The following BRINP3 variants were observed in gnomAD, a reference collection of about 807,000 sequenced individuals.
The protein encoded by BRINP3 is BMP/retinoic acid-inducible neural-specific protein 3.
BRINP3 carries 19 observed loss-of-function variants against 71.0 expected under a neutral mutation model. The ratio of observed to expected loss-of-function variants is 0.27; its 90% confidence interval spans 0.19 to 0.39. BRINP3 has a LOEUF of 0.39. Among genes scored for constraint, BRINP3 ranks in the 10% least tolerant of loss-of-function variants. BRINP3 has a pLI of 1.00. For missense variants in BRINP3, 959 were observed against 940.8 expected, an observed-to-expected ratio of 1.02 and a Z score of -0.25; for synonymous variants, 380 against 337.7, an observed-to-expected ratio of 1.13 and a Z score of -1.37.
chr1:190,176,651 C>T (rs1474196741), intron 6 of BRINP3, among the ~76,000 whole-genome samples: 2 of 152,082 alleles, frequency 1.3e-5, no homozygotes, highest in Non-Finnish European at 2.9e-5. Flanking sequence ...AGATATAGTT[C>T]CTGGATCTGC....
intron 2 of BRINP3, among the ~76,000 whole-genome samples, chr1:190,329,756 G>C (rs545440489): frequency 6.6e-6 from 1 of 151,718 alleles, no homozygotes; most frequent in Non-Finnish European, 1.5e-5. Flanking sequence ...ACTATACTAC[G>C]AGGCCACAGT....
chr1:190,308,592 T>A (rs1665294904), intron 2 of BRINP3, among the ~76,000 whole-genome samples: 1 of 151,792 alleles, frequency 6.6e-6, no homozygotes, highest in African/African-American at 2.4e-5. Context: ...TGTATACATA[T>A]GTAACAAACC....
chr1:190,152,616 T>G (rs1379911120), intron 7 of BRINP3, among the ~76,000 whole-genome samples: 1 of 142,502 alleles, frequency 7.0e-6, no homozygotes, highest in African/African-American at 2.6e-5. Context: ...GTGCCTCTAT[T>G]GGGTTGAGTC....
intron 2 of BRINP3, among the ~76,000 whole-genome samples, chr1:190,442,285 G>T (rs956170491): frequency 5.9e-5 from 9 of 152,090 alleles, no homozygotes; most frequent in African/African-American, 1.9e-4. Flanking sequence ...TCTGTTTTGG[G>T]AAATAGTTGT....
chr1:190,268,058 A>G (rs1467416292), intron 3 of BRINP3, among the ~76,000 whole-genome samples: 1 of 152,160 alleles, frequency 6.6e-6, no homozygotes, highest in Non-Finnish European at 1.5e-5. Flanking sequence ...TCCAACAGTA[A>G]CTATTAAAAA....
chr1:190,401,376 C>CAAAAAAAAAA (rs762938571), intron 2 of BRINP3, among the ~76,000 whole-genome samples: 4 of 89,360 alleles, frequency 4.5e-5, no homozygotes, highest in Admixed American at 3.0e-4. Context: ...CATCTCAAAA[C>CAAAAAAAAAA]AAAAAAAAAA....
chr1:190,200,688 C>T (rs1322617563), intron 6 of BRINP3, among the ~76,000 whole-genome samples: 3 of 151,938 alleles, frequency 2.0e-5, no homozygotes, highest in East Asian at 1.9e-4. Flanking sequence ...GTGGGAGGGG[C>T]CCGGTAGGAG....
At chr1:190,384,037 T>C (rs1398196705) in intron 2 of BRINP3, among the ~76,000 whole-genome samples, 4 of 151,860 alleles carry the variant, frequency 2.6e-5, no homozygotes, top group Non-Finnish European at 5.9e-5. Flanking sequence ...CACACATTAA[T>C]AATGTGGCCA....
intron 7 of BRINP3, among the ~76,000 whole-genome samples, chr1:190,148,621 A>AAATAAATG (rs1656113409): frequency 1.3e-5 from 2 of 149,552 alleles, no homozygotes; most frequent in Non-Finnish European, 3.0e-5. Context: ...ATAAATAAAT[A>AAATAAATG]AATAAATAAA....
At chr1:190,138,600 G>T (rs1182279464) in intron 7 of BRINP3, among the ~76,000 whole-genome samples, 1 of 152,092 alleles carries the variant, frequency 6.6e-6, no homozygotes, top group Non-Finnish European at 1.5e-5. Context: ...CATATGTGGT[G>T]GGCAGGGGTT....
At chr1:190,454,465 G>A (rs1292034549) in intron 2 of BRINP3, among the ~76,000 whole-genome samples, 190 bp downstream of exon 2, 1 of 152,156 alleles carries the variant, frequency 6.6e-6, no homozygotes, top group Non-Finnish European at 1.5e-5. Flanking sequence ...ACCATTATCT[G>A]TTTTTATCAT....
intron 1 of BRINP3, among the ~76,000 whole-genome samples, chr1:190,476,500 C>T (rs1223324889): frequency 6.6e-6 from 1 of 152,134 alleles, no homozygotes; most frequent in African/African-American, 2.4e-5. Context: ...TGTTTCTCAA[C>T]ACAACTATAC....
In BRINP3 at chr1:190,364,439, T is replaced by C. The variant is rs150054999; in HGVS notation, c.237-82689A>G. On this transcript the variant is annotated intron_variant, in intron 2 of 7. Coordinates refer to ENST00000367462, the MANE Select transcript of BRINP3 (RefSeq NM_199051.3). ...TTTCAGTCTCTATATCTGATATCAG[T>C]ATCAGACTATGCAATAAACAACGTG... 6.6e-3 allele frequency among the ~76,000 whole-genome samples: 1,003 copies of C among 152,132 alleles called. 5 individuals are homozygous for C. The highest frequency in any genetic ancestry group is 0.022 in the African/African-American group (894 of 41,524).
chr1:190,377,448 C>T (rs937756432), intron 2 of BRINP3, among the ~76,000 whole-genome samples: 2 of 151,692 alleles, frequency 1.3e-5, no homozygotes, highest in African/African-American at 4.8e-5. Flanking sequence ...TTCTATCCAC[C>T]ATAATATTGG....
intron 2 of BRINP3, among the ~76,000 whole-genome samples, chr1:190,384,825 A>G (rs2102270572): frequency 6.6e-6 from 1 of 152,080 alleles, no homozygotes; most frequent in East Asian, 1.9e-4. Flanking sequence ...ATTGTAATAG[A>G]TTATTTTCTC....
intron 2 of BRINP3, among the ~76,000 whole-genome samples, chr1:190,331,396 C>T (rs1389291518): frequency 6.6e-6 from 1 of 151,892 alleles, no homozygotes; most frequent in Non-Finnish European, 1.5e-5. Context: ...TTTCACACAC[C>T]ATATTTAGTC....
intron 7 of BRINP3, among the ~76,000 whole-genome samples, chr1:190,105,545 A>T (rs1010753544): frequency 7.2e-5 from 11 of 152,106 alleles, no homozygotes; most frequent in Non-Finnish European, 1.2e-4. Flanking sequence ...CCTAACATAA[A>T]TAAACACACA....
intron 2 of BRINP3, among the ~76,000 whole-genome samples, chr1:190,420,148 G>T (rs1394279779): frequency 6.6e-6 from 1 of 151,952 alleles, no homozygotes; most frequent in African/African-American, 2.4e-5. Context: ...TTGAAGCAAG[G>T]ATGGACACAA....
chr1:190,453,651 G>T (rs1571353369), intron 2 of BRINP3, among the ~76,000 whole-genome samples: 1 of 152,140 alleles, frequency 6.6e-6, no homozygotes, highest in African/African-American at 2.4e-5. Context: ...CATGGAACTT[G>T]CTCAGGACAT....
Sources: allele counts gnomAD v4.1 joint callset (sites outside exome capture counted in the v4.1 genomes callset), GRCh38; gene constraint gnomAD v4.1.1; transcripts MANE v1.5; gene names NCBI Gene and HGNC (gene_info 2026-07-23, HGNC 2026-07-21).